DGKI: variants seen among roughly 807,000 people sequenced by gnomAD.
DGKI encodes diacylglycerol kinase iota.
A neutral mutation model predicts 147.5 loss-of-function variants in DGKI; 55 were observed. The ratio of observed to expected loss-of-function variants is 0.37; its 90% CI spans 0.30 to 0.47. The LOEUF is 0.47. Among genes scored for constraint, DGKI ranks in the 20% least tolerant of loss-of-function variants. DGKI has a pLI of 1.00. For synonymous variants in DGKI, 469 were observed against 477.1 expected (o/e 0.98, Z 0.22); for missense variants, 1,007 against 1,323.8 (o/e 0.76, Z 3.71).
intron 1 of DGKI, among the ~76,000 whole-genome samples, chr7:137,791,537 G>A (rs540991271): frequency 1.3e-5 from 2 of 152,304 alleles, no homozygotes; most frequent in South Asian, 2.1e-4. Flanking sequence ...ACTTTTTCAG[G>A]TAGAGCTATG....
intron 24 of DGKI, among the ~76,000 whole-genome samples, chr7:137,468,173 C>G (rs1391954773): frequency 6.6e-6 from 1 of 152,104 alleles, no homozygotes; most frequent in African/African-American, 2.4e-5. Flanking sequence ...CCAAAGGCGA[C>G]AGAACTAAGA....
intron 27 of DGKI, among the ~76,000 whole-genome samples, chr7:137,449,853 T>C (rs893156880): frequency 6.6e-6 from 1 of 152,164 alleles, no homozygotes; most frequent in Non-Finnish European, 1.5e-5. Flanking sequence ...TACAGCACAA[T>C]TACCAATAGC....
At chr7:137,522,219 G>T (rs914507944) in intron 20 of DGKI, among the ~76,000 whole-genome samples, 1 of 151,962 alleles carries the variant, frequency 6.6e-6, no homozygotes, top group African/African-American at 2.4e-5. Flanking sequence ...CTTTTATATC[G>T]TATTTTCTAT....
chr7:137,405,005 CGGTGCTTTTAAA>C (rs909028999), intron 30 of DGKI, among the ~76,000 whole-genome samples: 1 of 151,968 alleles, frequency 6.6e-6, no homozygotes, highest in Non-Finnish European at 1.5e-5. Context: ...CTTGGATGAA[CGGTGCTTTTAAA>C]GGCCCTATTT....
chr7:137,681,405 A>T (rs566030058), intron 2 of DGKI, among the ~76,000 whole-genome samples: 1 of 152,340 alleles, frequency 6.6e-6, no homozygotes, highest in Admixed American at 6.5e-5. Flanking sequence ...ACAACACTTT[A>T]AAAAAAGTAG....
chr7:137,593,326 G>A (rs1819678704), intron 12 of DGKI, among the ~76,000 whole-genome samples: 1 of 152,178 alleles, frequency 6.6e-6, no homozygotes, highest in Admixed American at 6.5e-5. Flanking sequence ...ATTTCAGCAG[G>A]GTGACAGCCA....
intron 23 of DGKI, among the ~76,000 whole-genome samples, chr7:137,477,185 C>CT (rs1268534456): frequency 2.0e-5 from 3 of 152,270 alleles, no homozygotes; most frequent in Admixed American, 2.0e-4. Context: ...GTGTTCCCTG[C>CT]TGCCTAAGAA....
chr7:137,804,381 C>T (rs189354687), intron 1 of DGKI, among the ~76,000 whole-genome samples: 48 of 152,310 alleles, frequency 3.2e-4, no homozygotes. Flanking sequence ...TTCTCTGCTT[C>T]AATAAGATTT....
intron 1 of DGKI, among the ~76,000 whole-genome samples, chr7:137,800,435 TACCTCCCCC>T (rs1797165685): frequency 6.6e-6 from 1 of 152,064 alleles, no homozygotes; most frequent in African/African-American, 2.4e-5. Flanking sequence ...AACTGTGTGC[TACCTCCCCC>T]CAACTCTCAG....
In DGKI at chr7:137,571,297, A is replaced by G. The variant is rs1380621539; in HGVS notation, c.1836-11T>C. 6.3e-7 allele frequency: 1 copy of G among 1,593,060 alleles called. No individual in the cohort carries two copies. The highest frequency in any genetic ancestry group is 8.6e-7 in the Non-Finnish European group (1 of 1,163,582). On this transcript the variant is annotated splice_polypyrimidine_tract_variant and intron_variant, in intron 18 of 32. Transcript: ENST00000614521. ...GTGCCAGCACAATATCTGCAAGAGA[A>G]GATTAAAGACAGAAGTAAATATGTC...
At chr7:137,412,309 G>T in intron 28 of DGKI, 102 bp from the exon 29 acceptor site, 1 of 1,108,582 alleles carries the variant, frequency 9.0e-7, no homozygotes, top group Non-Finnish European at 1.4e-6. Context: ...CTACATTTGG[G>T]GCAGGAATCA....
At chr7:137,731,912 C>G (rs915693474) in intron 1 of DGKI, among the ~76,000 whole-genome samples, 8 of 152,040 alleles carry the variant, frequency 5.3e-5, no homozygotes, top group African/African-American at 1.9e-4. Context: ...TGCCCATGCT[C>G]TAGTAGGACC....
At chr7:137,513,974 G>A in intron 21 of DGKI, 1 of 702,738 alleles carries the variant, frequency 1.4e-6, no homozygotes, top group South Asian at 1.5e-5. Flanking sequence ...CACAGGAGCA[G>A]AAACATGGAA....
chr7:137,554,914 C>CT (rs757320303), intron 19 of DGKI, among the ~76,000 whole-genome samples: 5,251 of 107,456 alleles, frequency 0.049, 354 homozygotes, highest in Non-Finnish European at 0.069. Context: ...AAACTATTTT[C>CT]TTTTTTTTTT....
At chr7:137,620,835 C>A (rs933842024) in intron 7 of DGKI, among the ~76,000 whole-genome samples, 8 of 152,078 alleles carry the variant, frequency 5.3e-5, no homozygotes, top group Non-Finnish European at 8.8e-5. Context: ...AAACTAAAAT[C>A]AACATTATGC....
chr7:137,550,192 G>C (rs1392739201), intron 20 of DGKI, among the ~76,000 whole-genome samples: 23 of 147,296 alleles, frequency 1.6e-4, no homozygotes, highest in Admixed American at 6.8e-4. Context: ...TTCAGACAGA[G>C]TCTCGCTCTG....
chr7:137,467,143 C>T (rs995471721), intron 24 of DGKI, among the ~76,000 whole-genome samples: 5 of 152,232 alleles, frequency 3.3e-5, no homozygotes, highest in African/African-American at 1.2e-4. Context: ...AAGCCCTTCC[C>T]TTTGCCTCTG....
At chr7:137,735,991 A>T (rs1795010098) in intron 1 of DGKI, among the ~76,000 whole-genome samples, 1 of 152,122 alleles carries the variant, frequency 6.6e-6, no homozygotes, top group Non-Finnish European at 1.5e-5. Context: ...GCTGAAAATG[A>T]CAGTAGGACC....
intron 5 of DGKI, among the ~76,000 whole-genome samples, chr7:137,645,934 T>C (rs1166413028): frequency 6.6e-6 from 1 of 152,216 alleles, no homozygotes; most frequent in African/African-American, 2.4e-5. Flanking sequence ...TAGATTCCAC[T>C]TCTCATGCCC....
Sources: gnomAD v4.1 joint callset for allele counts (sites outside exome capture counted in the v4.1 genomes callset) on GRCh38, gnomAD v4.1.1 for gene constraint, MANE v1.5 for transcripts, NCBI Gene and HGNC (gene_info 2026-07-23, HGNC 2026-07-21) for gene names.